The following SORT1 variants were observed in gnomAD, a reference collection of about 807,000 sequenced individuals.
The protein encoded by SORT1 is sortilin.
A neutral mutation model predicts 101.7 loss-of-function variants in SORT1; 39 were observed. The observed-to-expected ratio is 0.38, with a 90% CI of 0.30 to 0.50. The LOEUF (loss-of-function observed/expected upper bound fraction) is 0.50. SORT1 is among the 20% of genes least tolerant of loss of function. The pLI is 0.90. For missense variants in SORT1, 878 were observed against 1,040.4 expected, an observed-to-expected ratio of 0.84 and a Z score of 2.15; for synonymous variants, 396 against 393.7, an observed-to-expected ratio of 1.01 and a Z score of -0.07.
chr1:109,321,586 A>C (rs1483235418), intron 15 of SORT1, among the ~76,000 whole-genome samples: 1 of 152,188 alleles, frequency 6.6e-6, no homozygotes, highest in Non-Finnish European at 1.5e-5. Flanking sequence ...CATGCCACAC[A>C]CAGGTGTGAG....
chr1:109,353,351 A>C (rs1489837979), intron 5 of SORT1, among the ~76,000 whole-genome samples: 5 of 150,550 alleles, frequency 3.3e-5, no homozygotes, highest in African/African-American at 7.3e-5. Flanking sequence ...AAAAAAAAAA[A>C]CAAAAGCAAA....
At chr1:109,375,288 C>T (rs1651751018) in intron 1 of SORT1, among the ~76,000 whole-genome samples, 1 of 151,736 alleles carries the variant, frequency 6.6e-6, no homozygotes, top group African/African-American at 2.4e-5. Flanking sequence ...ATATAATAGC[C>T]ACGGTGGCTC....
Position 109,309,919 on chromosome 1 carries a change from GGAACAAGAGAGAGGGCT to G in SORT1, c.*4107_*4123del, listed in dbSNP as rs901140291. 6.6e-6 allele frequency: 1 copy of G among 152,622 alleles called. No homozygotes were observed. The highest frequency in any genetic ancestry group is 6.6e-5 in the Admixed American group (1 of 15,262). 9.5% of individuals were successfully genotyped at this position (152,622 alleles called of 1,614,324 possible). ...GGGGAAGGACCACATGCTCAGAAAG[GGAACAAGAGAGAGGGCT>G]GAACAACAGGCACATGGGGACCCTG... On this transcript the variant is annotated 3_prime_UTR_variant, in exon 20 of 20. Coordinates refer to ENST00000256637, the MANE Select transcript of SORT1 (RefSeq NM_002959.7).
chr1:109,351,965 G>GGGGGGT (rs932648162), intron 5 of SORT1, among the ~76,000 whole-genome samples: 6 of 147,410 alleles, frequency 4.1e-5, no homozygotes, highest in South Asian at 4.4e-4. Context: ...GAGAGGTAGG[G>GGGGGGT]GTGTGTGTGT....
chr1:109,338,638 C>T (rs1365391639), intron 10 of SORT1, among the ~76,000 whole-genome samples: 1 of 152,166 alleles, frequency 6.6e-6, no homozygotes, highest in African/African-American at 2.4e-5. Context: ...CATAGGCCTA[C>T]ATCTCCCAAT....
chr1:109,314,412 G>A (rs374237006), intron 18 of SORT1, 28 bp from the exon 19 acceptor site: 307 of 1,611,706 alleles, frequency 1.9e-4, no homozygotes, highest in Non-Finnish European at 9.8e-5. Flanking sequence ...CTTAACACTC[G>A]GTGGTACACA....
rs750513920 is a variant in SORT1, at chr1:109,327,163, G to A, written c.1475-3C>T. On this transcript the variant is annotated splice_polypyrimidine_tract_variant and splice_region_variant and intron_variant, in intron 12 of 19. Coordinates refer to ENST00000256637, the MANE Select transcript of SORT1 (RefSeq NM_002959.7). Reference sequence around the variant, plus strand: ...TGAGATGGCATCCCCCACGCTACCTGCAATATAATCCACCATCTCATTAGC... The same window carrying A: ...TGAGATGGCATCCCCCACGCTACCTACAATATAATCCACCATCTCATTAGC... 1 of 1,609,224 alleles carries A rather than the reference G, an allele frequency of 6.2e-7. No individual in the cohort carries two copies. Among genetic ancestry groups the A allele is most frequent in the Admixed American group, 1.7e-5 (1 of 59,794 alleles).
chr1:109,360,307 G>T (rs182072238), intron 3 of SORT1, among the ~76,000 whole-genome samples: 28 of 152,220 alleles, frequency 1.8e-4, no homozygotes, highest in Admixed American at 1.4e-3. Flanking sequence ...CTGCACTCCA[G>T]CCTGGGCAAC....
chr1:109,374,513 T>C (rs1274003630), intron 1 of SORT1, among the ~76,000 whole-genome samples: 2 of 151,176 alleles, frequency 1.3e-5, no homozygotes, highest in African/African-American at 4.9e-5. Flanking sequence ...ATCACTTGAA[T>C]CCAGGAGGCA....
At chr1:109,373,798 AG>A (rs1227800708) in intron 1 of SORT1, among the ~76,000 whole-genome samples, 1 of 152,216 alleles carries the variant, frequency 6.6e-6, no homozygotes, top group African/African-American at 2.4e-5. Flanking sequence ...AAAAATCATC[AG>A]GTGGGTAGGT....
At chr1:109,314,594 G>A (rs1408996548) in intron 18 of SORT1, 78 bp downstream of exon 18, 9 of 1,173,764 alleles carry the variant, frequency 7.7e-6, no homozygotes, top group Non-Finnish European at 1.1e-5. Context: ...TTTTTGCCAA[G>A]AGTAGACTCA....
intron 3 of SORT1, among the ~76,000 whole-genome samples, chr1:109,358,313 C>G (rs543178763): frequency 3.3e-5 from 5 of 152,220 alleles, no homozygotes; most frequent in African/African-American, 1.2e-4. Flanking sequence ...GCATACATAT[C>G]ATGAAGATAT....
intron 2 of SORT1, among the ~76,000 whole-genome samples, chr1:109,367,902 AT>A (rs1651198488): frequency 6.6e-6 from 1 of 151,940 alleles, no homozygotes; most frequent in Non-Finnish European, 1.5e-5. Context: ...CATGAAATTC[AT>A]TTTTTCAGTA....
At chr1:109,332,037 C>CA (rs36009375) in intron 11 of SORT1, among the ~76,000 whole-genome samples, 44 of 132,692 alleles carry the variant, frequency 3.3e-4, no homozygotes, top group African/African-American at 9.9e-4. Flanking sequence ...TTGAAGATGA[C>CA]AAAAAAAAAA....
chr1:109,372,312 C>T (rs564666026), intron 1 of SORT1, among the ~76,000 whole-genome samples: 1 of 152,340 alleles, frequency 6.6e-6, no homozygotes, highest in African/African-American at 2.4e-5. Context: ...CCTGTCCTCC[C>T]CACTAGACCT....
intron 1 of SORT1, among the ~76,000 whole-genome samples, chr1:109,380,855 G>A (rs1392327540): frequency 1.3e-5 from 2 of 148,276 alleles, no homozygotes; most frequent in Admixed American, 1.4e-4. Context: ...AGCCGGGTAT[G>A]GTGGTGTGCA....
At chr1:109,343,005 A>G (rs1272473677) in intron 8 of SORT1, among the ~76,000 whole-genome samples, 2 of 152,180 alleles carry the variant, frequency 1.3e-5, no homozygotes, top group African/African-American at 4.8e-5. Flanking sequence ...GTAGGTAGAA[A>G]CCAGAGTTCA....
Position 109,325,807 on chromosome 1 carries a change from T to C in SORT1, c.1644-718A>G, listed in dbSNP as rs548854176. Among the ~76,000 whole-genome samples, 457 of 151,916 alleles carry C rather than the reference T, an allele frequency of 3.0e-3. 5 individuals carry two copies. Among genetic ancestry groups the C allele is most frequent in the African/African-American group, 0.011 (436 of 41,448 alleles). On this transcript the variant is annotated intron_variant, in intron 13 of 19. Transcript: ENST00000256637. ...CTGACCAACACAACAAAACCCCGTC[T>C]CTACCAAAACACAAAAAACAAAGCA... is the stretch of plus-strand genomic sequence containing the variant.
chr1:109,344,484 C>G (rs1053582300), intron 8 of SORT1, among the ~76,000 whole-genome samples: 3 of 152,106 alleles, frequency 2.0e-5, no homozygotes, highest in African/African-American at 7.2e-5. Context: ...TTGGATTGAT[C>G]GGGCATGCTC....
Sources: allele counts gnomAD v4.1 joint callset (sites outside exome capture counted in the v4.1 genomes callset), GRCh38; gene constraint gnomAD v4.1.1; transcripts MANE v1.5; gene names NCBI Gene and HGNC (gene_info 2026-07-23, HGNC 2026-07-21).